TSHZ3: variants seen among roughly 807,000 people sequenced by gnomAD.
TSHZ3 encodes the protein teashirt zinc finger homeobox 3.
TSHZ3 carries 10 observed loss-of-function variants against 64.5 expected under a neutral mutation model. That is an observed-to-expected ratio of 0.16 (90% CI 0.10 to 0.26). TSHZ3 has a LOEUF of 0.26. TSHZ3 is among the 10% of genes least tolerant of loss of function. TSHZ3 has a pLI of 1.00. For synonymous variants in TSHZ3, 608 were observed against 593.1 expected (o/e 1.03, Z -0.36); for missense variants, 1,242 against 1,421.7 (o/e 0.87, Z 2.03).
intron 1 of TSHZ3, among the ~76,000 whole-genome samples, chr19:31,332,177 C>A (rs771581022): frequency 7.9e-5 from 12 of 152,160 alleles, no homozygotes; most frequent in Non-Finnish European, 1.3e-4. Flanking sequence ...GTGTTCCCGG[C>A]CTCCTGACAA....
intron 5 of TSHZ3, among the ~76,000 whole-genome samples, chr19:31,181,299 G>A (rs1974710223): frequency 6.6e-6 from 1 of 152,118 alleles, no homozygotes; most frequent in African/African-American, 2.4e-5. Flanking sequence ...TCCTTACCAT[G>A]CAGGAAGCAG....
intron 1 of TSHZ3, among the ~76,000 whole-genome samples, chr19:31,296,327 A>ATTT (rs35057697): frequency 1.1e-4 from 10 of 94,018 alleles, no homozygotes; most frequent in South Asian, 3.9e-4. Flanking sequence ...AGTGCTGTGA[A>ATTT]TTTTTTTTTT....
intron 5 of TSHZ3, among the ~76,000 whole-genome samples, chr19:31,183,055 T>C (rs1349923172): frequency 6.6e-6 from 1 of 152,184 alleles, no homozygotes; most frequent in African/African-American, 2.4e-5. Flanking sequence ...GGAATTCTGC[T>C]AGTAGATTGC....
At chr19:31,152,822 G>C (rs756038493) in intron 6 of TSHZ3, among the ~76,000 whole-genome samples, 3 of 152,144 alleles carry the variant, frequency 2.0e-5, no homozygotes, top group Admixed American at 2.0e-4. Flanking sequence ...CAATGGAGAG[G>C]CATCTGAGGC....
chr19:31,309,449 C>T (rs1916393266), intron 1 of TSHZ3, among the ~76,000 whole-genome samples: 1 of 152,040 alleles, frequency 6.6e-6, no homozygotes, highest in South Asian at 2.1e-4. Flanking sequence ...CAAGTCAATC[C>T]CCGCATGGAA....
In TSHZ3 at chr19:31,164,654, T is replaced by C. The variant is rs576948442; in HGVS notation, n.810-8237A>G. On this transcript the variant is annotated intron_variant and non_coding_transcript_variant, in intron 5 of 6. Coordinates refer to the TSHZ3 transcript ENST00000651361. ...CACACCGACCTCTCTGGACCTCAGT[T>C]TTGGCAGAATGATGGGCGAGTGAGC... is the stretch of plus-strand genomic sequence containing the variant. Among the ~76,000 whole-genome samples the C allele has an allele frequency of 2.0e-5, 3 of 152,164 alleles. No homozygotes were observed. The East Asian group carries it at 5.8e-4, about 30-fold the overall frequency.
rs375375661 is a variant in TSHZ3 at position 31,278,584 on chromosome 19, G to A, written c.1209C>T (p.Ala403=). Residue 403 remains alanine, a synonymous_variant, in exon 2 of 2, where the codon GCC becomes GCT. Coordinates refer to ENST00000240587, the MANE Select transcript of TSHZ3 (RefSeq NM_020856.4). The surrounding 1 kb of genome is among the most constrained non-coding windows in gnomAD (Gnocchi z 4.7). The stretch of plus-strand genomic sequence containing the variant: ...TGAAGTGGCCAGTGACCATCATGTG[G>A]GCAGTGAGCTCCTGCAGGGTGTCAT... The part of the protein sequence containing the change: ...SSHDTLQELT[A]HMMVTGHFIK... The A allele has an allele frequency of 6.2e-6, 10 of 1,614,012 alleles. No individual in the cohort carries two copies. The highest frequency in any genetic ancestry group is 8.5e-6 in the Non-Finnish European group (10 of 1,180,042).
At chr19:31,211,440 G>A (rs1268248112) in intron 4 of TSHZ3, among the ~76,000 whole-genome samples, 1 of 152,150 alleles carries the variant, frequency 6.6e-6, no homozygotes, top group South Asian at 2.1e-4. Flanking sequence ...GAGTTAGAGG[G>A]ACACACCAAC....
At chr19:31,299,415 C>T (rs1420798576) in intron 1 of TSHZ3, among the ~76,000 whole-genome samples, 2 of 152,190 alleles carry the variant, frequency 1.3e-5, no homozygotes, top group African/African-American at 2.4e-5. Flanking sequence ...AAATGTCACA[C>T]GTGTAGCAAG....
chr19:31,162,181 T>G (rs1301773775), intron 5 of TSHZ3, among the ~76,000 whole-genome samples: 2 of 152,102 alleles, frequency 1.3e-5, no homozygotes, highest in African/African-American at 2.4e-5. Flanking sequence ...GTCCTATTGA[T>G]CACTTTTTCC....
chr19:31,344,362 G>A (rs905687934), intron 1 of TSHZ3, among the ~76,000 whole-genome samples: 1 of 152,142 alleles, frequency 6.6e-6, no homozygotes, highest in Non-Finnish European at 1.5e-5. Context: ...AACACAGAAG[G>A]GTAGACACAC....
rs577333310 is a variant in TSHZ3, at chr19:31,223,525, A to G, written n.686+4480T>C. Among the ~76,000 whole-genome samples the G allele has an allele frequency of 3.3e-5, 5 of 152,268 alleles. No homozygotes were observed. The South Asian group carries it at 8.3e-4, about 25-fold the overall frequency. Reference sequence around the variant, plus strand: ...ATTTTTTTTCCTTTTGAAAAACTCCAGTACAAGTGTTCAAGCCAAGTAGAA... The same window carrying G: ...ATTTTTTTTCCTTTTGAAAAACTCCGGTACAAGTGTTCAAGCCAAGTAGAA... On this transcript the variant is annotated intron_variant and non_coding_transcript_variant, in intron 4 of 6. Coordinates refer to the TSHZ3 transcript ENST00000651361.
intron 1 of TSHZ3, among the ~76,000 whole-genome samples, chr19:31,306,774 A>G (rs112309792): frequency 0.033 from 4,969 of 152,274 alleles, 301 homozygotes; most frequent in African/African-American, 0.12. Context: ...ATAAAAATGG[A>G]GGTAGGAAGA....
rs1410923278 is a variant in TSHZ3 at position 31,216,249 on chromosome 19, G to C, written n.687-11171C>G. ...CAAGAAATTCATTTTAGGCCTTTTT[G>C]GGGGGGCTCCCAGCCCCCACCATGT... On this transcript the variant is annotated intron_variant and non_coding_transcript_variant, in intron 4 of 6. Transcript: ENST00000651361. Among the ~76,000 whole-genome samples the C allele has an allele frequency of 2.0e-5, 3 of 151,884 alleles. No homozygotes were observed. In the East Asian group the frequency reaches 5.8e-4, roughly 29 times the overall value.
At position 31,222,811 on chromosome 19, in the gene TSHZ3, A is replaced by AG. The variant is rs1291391254; in HGVS notation, n.686+5193_686+5194insC. ...TCGTCTCTTGTCCTTCTCCATTTCT[A>AG]TTTTGCCATATAAACATGACAGAGA... On this transcript the variant is annotated intron_variant and non_coding_transcript_variant, in intron 4 of 6. Transcript: ENST00000651361. Among the ~76,000 whole-genome samples, 94 of 152,238 alleles carry AG rather than the reference A, an allele frequency of 6.2e-4. 2 individuals carry two copies. In the East Asian group the frequency reaches 0.017, roughly 28 times the overall value.
At chr19:31,251,937 C>T (rs1568360048) in intron 1 of TSHZ3, among the ~76,000 whole-genome samples, 1 of 152,200 alleles carries the variant, frequency 6.6e-6, no homozygotes, top group Non-Finnish European at 1.5e-5. Flanking sequence ...GCAGTCCCCA[C>T]AGGAGGCCTG....
intron 1 of TSHZ3, among the ~76,000 whole-genome samples, chr19:31,331,559 G>A (rs1917094444): frequency 6.6e-6 from 1 of 152,122 alleles, no homozygotes; most frequent in Non-Finnish European, 1.5e-5. Context: ...TTGCAGTGCT[G>A]TGTCATAACG....
At chr19:31,297,317 A>G (rs1976680504) in intron 1 of TSHZ3, among the ~76,000 whole-genome samples, 1 of 152,174 alleles carries the variant, frequency 6.6e-6, no homozygotes, top group African/African-American at 2.4e-5. Context: ...AGGCAGGACA[A>G]TGGAGACAGA....
At chr19:31,165,657 G>A (rs929593503) in intron 5 of TSHZ3, among the ~76,000 whole-genome samples, 6 of 152,094 alleles carry the variant, frequency 3.9e-5, no homozygotes, top group East Asian at 1.9e-4. Context: ...GCCCTGACCC[G>A]GGGAGATCCA....
Sources: gnomAD v4.1 joint callset for allele counts (sites outside exome capture counted in the v4.1 genomes callset) on GRCh38, gnomAD v4.1.1 for gene constraint, Gnocchi (gnomAD v3.1) non-coding constraint, MANE v1.5 for transcripts, NCBI Gene and HGNC (gene_info 2026-07-23, HGNC 2026-07-21) for gene names.